Variants in AREL1 observed in about 807,000 individuals in gnomAD.
AREL1 encodes the protein apoptosis resistant E3 ubiquitin protein ligase 1.
In AREL1, 62 loss-of-function variants were observed where a neutral mutation model predicts 99.0. The ratio of observed to expected loss-of-function variants is 0.63; its 90% confidence interval spans 0.51 to 0.77. The LOEUF (loss-of-function observed/expected upper bound fraction) is 0.77, where lower values mean the gene tolerates loss of function less well. Among genes scored for constraint, AREL1 ranks in the 30% least tolerant of loss-of-function variants. AREL1 has a pLI of 0.00. For synonymous variants in AREL1, 380 were observed against 376.5 expected (o/e 1.01, Z -0.11); for missense variants, 879 against 1,027.6 (o/e 0.86, Z 1.98).
rs777077719 is a variant in AREL1, at chr14:74,675,918, A to G, written c.861T>C (p.Asn287=). 41 of 1,604,806 alleles carry G rather than the reference A, an allele frequency of 2.6e-5. No individual in the cohort carries two copies. Among genetic ancestry groups the G allele is most frequent in the Non-Finnish European group, 3.4e-5 (40 of 1,174,318 alleles). ...SEDEKNIVER[N]VSTSGVSIYF... Reference sequence around the variant, plus strand: ...AAATGCTCACGCCTGAAGTGGACACATTGCGTTCGACGATATTCTTCTCAT... The same window carrying G: ...AAATGCTCACGCCTGAAGTGGACACGTTGCGTTCGACGATATTCTTCTCAT... The change falls in exon 8 of 20, where the codon AAT becomes AAC. Residue 287 remains asparagine (N), a synonymous_variant. Coordinates refer to ENST00000356357, the MANE Select transcript of AREL1 (RefSeq NM_001039479.2).
chr14:74,711,532 G>A (rs910327363), intron 1 of AREL1, among the ~76,000 whole-genome samples: 2 of 151,964 alleles, frequency 1.3e-5, no homozygotes, highest in Admixed American at 6.6e-5. Context: ...AGCAGAGGGA[G>A]GCTCTGTCTC....
intron 1 of AREL1, among the ~76,000 whole-genome samples, chr14:74,693,420 T>C (rs17102009): frequency 6.6e-6 from 1 of 152,176 alleles, no homozygotes; most frequent in South Asian, 2.1e-4. Context: ...AAGATATTCA[T>C]GAACCAAAAA....
At chr14:74,680,583 C>T (rs1297291760) in intron 5 of AREL1, among the ~76,000 whole-genome samples, 1 of 152,154 alleles carries the variant, frequency 6.6e-6, no homozygotes, top group Non-Finnish European at 1.5e-5. Context: ...ACATAAAAAC[C>T]TGTAAGTGAA....
At chr14:74,696,231 T>C (rs1299350646) in intron 1 of AREL1, among the ~76,000 whole-genome samples, 1 of 152,180 alleles carries the variant, frequency 6.6e-6, no homozygotes, top group African/African-American at 2.4e-5. Context: ...AAATACATTT[T>C]TCTAAATCAA....
At chr14:74,696,163 T>C (rs565475499) in intron 1 of AREL1, among the ~76,000 whole-genome samples, 1 of 152,314 alleles carries the variant, frequency 6.6e-6, no homozygotes, top group African/African-American at 2.4e-5. Context: ...TGAAAAAGTA[T>C]ACCAATTCCA....
In AREL1 at chr14:74,663,981, G is replaced by A. The variant is rs767005007; in HGVS notation, c.2287C>T (p.Pro763Ser). Residue 763 changes from proline (P) to serine (S), a missense_variant, in exon 19 of 20, where the codon CCT (proline) becomes TCT (serine). By Grantham distance (74) the Pro-to-Ser change is moderately conservative. Coordinates refer to ENST00000356357, the MANE Select transcript of AREL1 (RefSeq NM_001039479.2). ...GGACAGAGGGCGGCAAAGCCTCCAGGTGGTAGCTGAGAGGAGCCTGTTGTG... is the reference window on the plus strand; with the variant it reads ...GGACAGAGGGCGGCAAAGCCTCCAGATGGTAGCTGAGAGGAGCCTGTTGTG... ...QFTTGSSQLPPGGFAALCPSF... is the reference protein window; with the variant it reads ...QFTTGSSQLPSGGFAALCPSF... 1 of 1,614,100 alleles carries A rather than the reference G, an allele frequency of 6.2e-7. No homozygotes were observed. Among genetic ancestry groups the A allele is most frequent in the Admixed American group, 1.7e-5 (1 of 60,016 alleles).
chr14:74,684,010 A>T (rs969899757), intron 4 of AREL1, among the ~76,000 whole-genome samples: 5 of 152,040 alleles, frequency 3.3e-5, no homozygotes, highest in African/African-American at 1.2e-4. Flanking sequence ...GAGTTGGGAA[A>T]TTTTTTCTGT....
In AREL1 at chr14:74,692,037, T is replaced by A; in HGVS notation, c.-46+4A>T. The A allele has an allele frequency of 2.6e-6, 1 of 379,802 alleles. No individual in the cohort carries two copies. The highest frequency in any genetic ancestry group is 2.0e-5 in the South Asian group (1 of 49,904). The allele number at this position is 379,802 out of a possible 1,614,324, so 23.5% of individuals were successfully genotyped here. On this transcript the variant is annotated splice_donor_region_variant and intron_variant, in intron 2 of 19. Coordinates refer to ENST00000356357, the MANE Select transcript of AREL1 (RefSeq NM_001039479.2). ...CTAAAGCTTAACTCAGTCTGTTACC[T>A]TACCTTTAAACGAGGGCCCATGTTC...
Position 74,684,687 on chromosome 14 carries a change from A to G in AREL1, c.17-7T>C, listed in dbSNP as rs1437703071. 1 of 1,613,274 alleles carries G rather than the reference A, an allele frequency of 6.2e-7. No homozygotes were observed. Among genetic ancestry groups the G allele is most frequent in the African/African-American group, 1.3e-5 (1 of 75,040 alleles). ...ACAGACACTGTGATTCCACCTATGCAAAAGAGAGAACACACAAACCGCCTG... is the reference window on the plus strand; with the variant it reads ...ACAGACACTGTGATTCCACCTATGCGAAAGAGAGAACACACAAACCGCCTG... On this transcript the variant is annotated splice_polypyrimidine_tract_variant and splice_region_variant and intron_variant, in intron 3 of 19. Transcript: ENST00000356357.
Position 74,670,868 on chromosome 14 carries a change from A to G in AREL1, c.1502T>C (p.Leu501Pro). 6.2e-7 allele frequency: 1 copy of G among 1,613,906 alleles called. No individual in the cohort carries two copies. Among genetic ancestry groups the G allele is most frequent in the Non-Finnish European group, 8.5e-7 (1 of 1,179,830 alleles). Reference protein sequence around the residue: ...FEVVFQDEEALDWGGPRREWF... With the variant: ...FEVVFQDEEAPDWGGPRREWF... ...TTCCCGGCGAGGCCCTCCCCAGTCCAGAGCTGAAAAGCATAATGAAAATAA... is the reference window on the plus strand; with the variant it reads ...TTCCCGGCGAGGCCCTCCCCAGTCCGGAGCTGAAAAGCATAATGAAAATAA... The change falls in exon 13 of 20, where the codon CTG becomes CCG. Residue 501 changes from leucine (L) to proline (P), a missense_variant. Leu to Pro is a moderately conservative substitution (Grantham distance 98). Coordinates refer to ENST00000356357, the MANE Select transcript of AREL1 (RefSeq NM_001039479.2).
Position 74,670,106 on chromosome 14 carries a change from G to A in AREL1, c.1629C>T (p.Arg543=). The A allele has an allele frequency of 6.2e-7, 1 of 1,611,294 alleles. No individual in the cohort carries two copies. The highest frequency in any genetic ancestry group is 8.5e-7 in the Non-Finnish European group (1 of 1,178,290). The change falls in exon 14 of 20, where the codon CGC becomes CGT. Residue 543 remains arginine (R), a synonymous_variant. Coordinates refer to ENST00000356357, the MANE Select transcript of AREL1 (RefSeq NM_001039479.2). ...ACATTTTCAGGCGCAGATGAGCGGG[G>A]CGATTAGGGTTGGGATGCACCTGTC... ...NQALVHPNPN[R]PAHLRLKMYE...
intron 11 of AREL1, among the ~76,000 whole-genome samples, chr14:74,671,717 G>T (rs1249190940): frequency 6.6e-6 from 1 of 152,148 alleles, no homozygotes; most frequent in Non-Finnish European, 1.5e-5. Flanking sequence ...CACTTTGTTG[G>T]AAAGCTGAAG....
chr14:74,679,266 T>C (rs745952028), intron 5 of AREL1, among the ~76,000 whole-genome samples: 2 of 151,552 alleles, frequency 1.3e-5, no homozygotes, highest in Non-Finnish European at 2.9e-5. Flanking sequence ...CTACAAAAAA[T>C]ATAAAAATTA....
intron 15 of AREL1, 58 bp from the exon 16 acceptor site, chr14:74,667,652 T>A: frequency 6.5e-7 from 1 of 1,541,834 alleles, no homozygotes; most frequent in Non-Finnish European, 8.7e-7. Context: ...ATTTATGAGA[T>A]GACATCTGCC....
Position 74,713,058 on chromosome 14 carries a change from C to G in AREL1, c.-459G>C. 1 of 1,517,452 alleles carries G rather than the reference C, an allele frequency of 6.6e-7. No individual in the cohort carries two copies. Among genetic ancestry groups the G allele is most frequent in the Non-Finnish European group, 9.1e-7 (1 of 1,092,962 alleles). 94.0% of individuals were successfully genotyped at this position (1,517,452 alleles called of 1,614,324 possible). On this transcript the variant is annotated 5_prime_UTR_variant, in exon 1 of 20. Transcript: ENST00000356357. ...GACCCCAGAGTTGGTCTCCACCCGG[C>G]CTGGGAACCGGCTCGGGGGATTGCC... is the stretch of plus-strand genomic sequence containing the variant.
chr14:74,692,085 T>C lies in AREL1; in HGVS notation c.-90A>G. ...TTCTGAGAACCAAGTAGAGCACTCC[T>C]ATTCACCAAAGCAGGTAACTTTTGG... On this transcript the variant is annotated 5_prime_UTR_variant, in exon 2 of 20. It adds an upstream start codon to the 5' untranslated region. Transcript: ENST00000356357. The C allele has an allele frequency of 4.7e-6, 2 of 426,610 alleles. No individual in the cohort carries two copies. Among genetic ancestry groups the C allele is most frequent in the South Asian group, 1.7e-5 (1 of 59,212 alleles). The allele number at this position is 426,610 out of a possible 1,614,324, so 26.4% of individuals were successfully genotyped here.
chr14:74,677,187 T>TAA (rs2089505147), intron 5 of AREL1, among the ~76,000 whole-genome samples: 1 of 151,014 alleles, frequency 6.6e-6, no homozygotes, highest in African/African-American at 2.4e-5. Flanking sequence ...TTCCTAGGGA[T>TAA]AAATAACACT....
At position 74,663,536 on chromosome 14, in the gene AREL1, T is replaced by C. The variant is rs2089133440; in HGVS notation, c.*184A>G. On this transcript the variant is annotated 3_prime_UTR_variant, in exon 20 of 20. Coordinates refer to ENST00000356357, the MANE Select transcript of AREL1 (RefSeq NM_001039479.2). ...CCATGCCAAAGTGGCCTGTGGTAGATATGGGCAGGGAGCAGGTGAGGTAAA... is the reference window on the plus strand; with the variant it reads ...CCATGCCAAAGTGGCCTGTGGTAGACATGGGCAGGGAGCAGGTGAGGTAAA... The C allele has an allele frequency of 9.4e-6, 6 of 640,200 alleles. No individual in the cohort carries two copies. The East Asian group carries it at 1.7e-4, about 18-fold the overall frequency. The allele number at this position is 640,200 out of a possible 1,614,324, so 39.7% of individuals were successfully genotyped here. A position where few individuals can be genotyped will look rare whatever the true frequency, so the allele number is the denominator to read the frequency against.
chr14:74,689,755 C>T (rs1303167044), intron 2 of AREL1, among the ~76,000 whole-genome samples: 1 of 151,534 alleles, frequency 6.6e-6, no homozygotes, highest in Non-Finnish European at 1.5e-5. Context: ...CACCACCACG[C>T]CTGGCTAATT....
Sources: allele counts gnomAD v4.1 joint callset (sites outside exome capture counted in the v4.1 genomes callset), GRCh38; gene constraint gnomAD v4.1.1; transcripts MANE v1.5; gene names NCBI Gene and HGNC (gene_info 2026-07-23, HGNC 2026-07-21).